PLCH1: variants seen among roughly 807,000 people sequenced by gnomAD.
PLCH1 encodes the protein phospholipase C eta 1.
PLCH1 carries 60 observed loss-of-function variants against 126.7 expected under a neutral mutation model. That is an observed-to-expected ratio of 0.47 (90% CI 0.38 to 0.59). The LOEUF (loss-of-function observed/expected upper bound fraction) is 0.59. PLCH1 is among the 20% of genes least tolerant of loss of function. PLCH1 has a pLI of 0.00. For missense variants in PLCH1, 1,723 were observed against 2,040.0 expected, an observed-to-expected ratio of 0.84 and a Z score of 2.99; for synonymous variants, 719 against 734.9, an observed-to-expected ratio of 0.98 and a Z score of 0.35.
intron 2 of PLCH1, among the ~76,000 whole-genome samples, chr3:155,604,788 G>A (rs890146925): frequency 1.1e-4 from 17 of 152,158 alleles, no homozygotes; most frequent in Admixed American, 3.9e-4. Context: ...TCTGGCCAGC[G>A]AAAGGTAAGA....
At chr3:155,575,713 C>T (rs1729852423) in intron 6 of PLCH1, among the ~76,000 whole-genome samples, 1 of 152,058 alleles carries the variant, frequency 6.6e-6, no homozygotes, top group Non-Finnish European at 1.5e-5. Context: ...CTCTGTGGCC[C>T]AGGCACAATC....
chr3:155,466,366 C>T (rs901080875), intron 21 of PLCH1, among the ~76,000 whole-genome samples: 2 of 152,182 alleles, frequency 1.3e-5, no homozygotes, highest in Non-Finnish European at 2.9e-5. Context: ...AGAGAATTCT[C>T]CTGGATCTTG....
chr3:155,670,589 A>G (rs563487625), intron 2 of PLCH1, among the ~76,000 whole-genome samples: 62 of 152,234 alleles, frequency 4.1e-4, no homozygotes, highest in African/African-American at 1.4e-3. Context: ...GTTACAGATC[A>G]TTTGTCAAAA....
chr3:155,636,174 A>C (rs1738696147), intron 2 of PLCH1, among the ~76,000 whole-genome samples: 1 of 152,166 alleles, frequency 6.6e-6, no homozygotes, highest in South Asian at 2.1e-4. Flanking sequence ...TACTCCAATC[A>C]TTCAGCAGGA....
chr3:155,661,074 A>T (rs2108940517), intron 2 of PLCH1, among the ~76,000 whole-genome samples: 3 of 152,358 alleles, frequency 2.0e-5, no homozygotes, highest in Middle Eastern at 6.8e-3. Context: ...AAACATTTCA[A>T]ATACCATATA....
At chr3:155,452,987 A>G (rs998718107) in intron 21 of PLCH1, among the ~76,000 whole-genome samples, 1 of 152,204 alleles carries the variant, frequency 6.6e-6, no homozygotes, top group African/African-American at 2.4e-5. Context: ...AATAAGTTGG[A>G]TCCTGTAAGT....
intron 2 of PLCH1, among the ~76,000 whole-genome samples, chr3:155,636,295 T>C (rs1379510156): frequency 2.0e-5 from 3 of 152,156 alleles, no homozygotes; most frequent in African/African-American, 4.8e-5. Flanking sequence ...AGGGAAAATG[T>C]AGTCAATGTT....
chr3:155,713,442 A>T (rs1747289809), intron 1 of PLCH1, among the ~76,000 whole-genome samples: 1 of 152,212 alleles, frequency 6.6e-6, no homozygotes, highest in South Asian at 2.1e-4. Flanking sequence ...TACTTGGACC[A>T]AGTTCAGAAA....
intron 2 of PLCH1, among the ~76,000 whole-genome samples, chr3:155,614,077 A>G (rs1168875066): frequency 6.6e-6 from 1 of 152,234 alleles, no homozygotes; most frequent in Non-Finnish European, 1.5e-5. Context: ...ATACTTAAAA[A>G]TATACCTAAC....
At chr3:155,594,742 C>T (rs754942384) in intron 3 of PLCH1, among the ~76,000 whole-genome samples, 5 of 151,638 alleles carry the variant, frequency 3.3e-5, no homozygotes, top group Non-Finnish European at 7.4e-5. Context: ...TAATTCAGGA[C>T]GTGTTGAAAT....
intron 12 of PLCH1, among the ~76,000 whole-genome samples, chr3:155,511,680 G>A (rs1719527695): frequency 7.1e-6 from 1 of 141,526 alleles, no homozygotes; most frequent in Non-Finnish European, 1.5e-5. Flanking sequence ...CAGGGGTCAG[G>A]GACCCACTTG....
At chr3:155,542,415 A>C (rs1724459284) in intron 10 of PLCH1, among the ~76,000 whole-genome samples, 1 of 152,220 alleles carries the variant, frequency 6.6e-6, no homozygotes. Context: ...ACCACAGCTT[A>C]AGAAGGCCTG....
At chr3:155,511,754 A>T (rs1240221951) in intron 12 of PLCH1, among the ~76,000 whole-genome samples, 1 of 146,864 alleles carries the variant, frequency 6.8e-6, no homozygotes, top group Non-Finnish European at 1.5e-5. Flanking sequence ...GCTCTCTTCA[A>T]AGCTGTCAGA....
chr3:155,538,544 C>T (rs1182181891), intron 10 of PLCH1, among the ~76,000 whole-genome samples: 1 of 151,906 alleles, frequency 6.6e-6, no homozygotes, highest in Admixed American at 6.6e-5. Context: ...CAAATAAGCT[C>T]AATTAGAAAC....
At chr3:155,656,124 GAT>G (rs1356643562) in intron 2 of PLCH1, among the ~76,000 whole-genome samples, 1 of 151,682 alleles carries the variant, frequency 6.6e-6, no homozygotes, top group Non-Finnish European at 1.5e-5. Flanking sequence ...CCCCAAAACA[GAT>G]AGTAATAGTT....
At chr3:155,573,890 T>A (rs1729581161) in intron 6 of PLCH1, among the ~76,000 whole-genome samples, 1 of 152,112 alleles carries the variant, frequency 6.6e-6, no homozygotes, top group Admixed American at 6.5e-5. Flanking sequence ...CACTCAGCCG[T>A]GTGTGGCATC....
At chr3:155,513,698 T>C (rs1576876631) in intron 12 of PLCH1, among the ~76,000 whole-genome samples, 1 of 152,206 alleles carries the variant, frequency 6.6e-6, no homozygotes, top group Admixed American at 6.5e-5. Context: ...AGTAATGCTG[T>C]CATTGACCTT....
At chr3:155,738,989 C>G (rs1749426607) in intron 1 of PLCH1, among the ~76,000 whole-genome samples, 1 of 152,228 alleles carries the variant, frequency 6.6e-6, no homozygotes, top group South Asian at 2.1e-4. Context: ...AGGTATCCAT[C>G]GCAACTCAGC....
intron 10 of PLCH1, among the ~76,000 whole-genome samples, chr3:155,540,209 C>T (rs1454216258): frequency 6.6e-6 from 1 of 152,116 alleles, no homozygotes; most frequent in East Asian, 1.9e-4. Context: ...GAAACTGGAT[C>T]CTCATCTCTC....
Sources: allele counts gnomAD v4.1 joint callset (sites outside exome capture counted in the v4.1 genomes callset), GRCh38; gene constraint gnomAD v4.1.1; transcripts MANE v1.5; gene names NCBI Gene and HGNC (gene_info 2026-07-23, HGNC 2026-07-21).